TCF12: variants seen among roughly 807,000 people sequenced by gnomAD.
TCF12 encodes the protein transcription factor 12, also known as DNA-binding protein HTF4.
A neutral mutation model predicts 86.0 loss-of-function variants in TCF12; 45 were observed. The observed-to-expected ratio is 0.52, with a 90% CI of 0.41 to 0.67. The LOEUF (loss-of-function observed/expected upper bound fraction) is 0.67, where lower values mean the gene tolerates loss of function less well. TCF12 is among the 30% of genes least tolerant of loss of function. TCF12 has a pLI of 0.00. For synonymous variants in TCF12, 330 were observed against 299.6 expected (o/e 1.10, Z -1.05); for missense variants, 881 against 859.9 (o/e 1.02, Z -0.31).
chr15:57,181,123 A>G (rs1169295344), intron 6 of TCF12, among the ~76,000 whole-genome samples: 2 of 151,878 alleles, frequency 1.3e-5, no homozygotes, highest in Admixed American at 1.3e-4. Flanking sequence ...CGATGCTAAT[A>G]ATTTTTGACC....
At chr15:57,180,776 C>A (rs1159000099) in intron 6 of TCF12, among the ~76,000 whole-genome samples, 1 of 143,196 alleles carries the variant, frequency 7.0e-6, no homozygotes, top group African/African-American at 2.6e-5. Context: ...GGTAGTACTT[C>A]CAAATTTTAA....
intron 3 of TCF12, among the ~76,000 whole-genome samples, chr15:56,937,221 T>G (rs1362218026): frequency 6.6e-6 from 1 of 152,184 alleles, no homozygotes. Flanking sequence ...GTATTAAATT[T>G]TTTTGGCTGC....
At chr15:57,083,777 G>A (rs2048460320) in intron 4 of TCF12, among the ~76,000 whole-genome samples, 1 of 152,078 alleles carries the variant, frequency 6.6e-6, no homozygotes, top group South Asian at 2.1e-4. Flanking sequence ...TAGCACCAGA[G>A]TCTCGCTATG....
At chr15:57,199,802 G>A (rs1460487035) in intron 8 of TCF12, among the ~76,000 whole-genome samples, 1 of 152,170 alleles carries the variant, frequency 6.6e-6, no homozygotes, top group Non-Finnish European at 1.5e-5. Flanking sequence ...TATTAAGGAT[G>A]TATAAATAAC....
chr15:56,939,967 GTTTTTTT>G (rs67832685), intron 3 of TCF12, among the ~76,000 whole-genome samples: 42 of 104,722 alleles, frequency 4.0e-4, no homozygotes, highest in African/African-American at 1.3e-3. Context: ...TTAATAGCGT[GTTTTTTT>G]TTTTTTTTTT....
At chr15:57,186,524 A>G (rs1413133138) in intron 6 of TCF12, among the ~76,000 whole-genome samples, 1 of 152,164 alleles carries the variant, frequency 6.6e-6, no homozygotes, top group African/African-American at 2.4e-5. Context: ...TCCAGGACCA[A>G]ACAGCTTCAC....
intron 14 of TCF12, 143 bp downstream of exon 14, chr15:57,251,566 A>G (rs1268400330): frequency 7.7e-6 from 6 of 777,852 alleles, no homozygotes; most frequent in African/African-American, 1.7e-5. Flanking sequence ...TTTGAACAAT[A>G]TAAGACACAT....
chr15:57,262,012 A>T, intron 16 of TCF12, 82 bp from the exon 17 acceptor site: 1 of 875,526 alleles, frequency 1.1e-6, no homozygotes, highest in Non-Finnish European at 1.7e-6. Context: ...TTTCTCTATT[A>T]AACCTAGTAA....
At chr15:57,161,225 T>C (rs76089422) in intron 5 of TCF12, among the ~76,000 whole-genome samples, 2,604 of 152,336 alleles carry the variant, frequency 0.017, 33 homozygotes, top group Middle Eastern at 0.041. Flanking sequence ...TCTGTAAGCA[T>C]TGAAAGGTTA....
At chr15:57,082,708 T>TC (rs2048389430) in intron 4 of TCF12, among the ~76,000 whole-genome samples, 1 of 152,080 alleles carries the variant, frequency 6.6e-6, no homozygotes, top group African/African-American at 2.4e-5. Flanking sequence ...TATGAGACTT[T>TC]CCCCCTAAAT....
At position 57,267,333 on chromosome 15, in the gene TCF12, A is replaced by G. The variant is rs150492766; in HGVS notation, c.1745+4059A>G. 5.7e-3 allele frequency among the ~76,000 whole-genome samples: 863 copies of G among 152,332 alleles called. 10 individuals carry two copies. The highest frequency in any genetic ancestry group is 0.02 in the African/African-American group (829 of 41,558). On this transcript the variant is annotated intron_variant, in intron 18 of 20. Transcript: ENST00000333725. ...AAAAAGGAAATCTTAAGATCTTAAT[A>G]TTATTACTTTAATATGTATTGTACT... is the stretch of plus-strand genomic sequence containing the variant.
intron 5 of TCF12, among the ~76,000 whole-genome samples, chr15:57,159,376 T>C (rs1459726654): frequency 1.3e-5 from 2 of 152,202 alleles, no homozygotes; most frequent in Non-Finnish European, 2.9e-5. Context: ...ATGATTCAAA[T>C]TGTATGATAT....
chr15:56,969,022 G>C (rs768713998), intron 3 of TCF12, among the ~76,000 whole-genome samples: 2 of 152,158 alleles, frequency 1.3e-5, no homozygotes, highest in Admixed American at 6.5e-5. Flanking sequence ...ATAAACAATA[G>C]GGCAGAGGAA....
chr15:57,088,854 C>T (rs1269567401), intron 4 of TCF12, among the ~76,000 whole-genome samples: 2 of 152,044 alleles, frequency 1.3e-5, no homozygotes, highest in African/African-American at 2.4e-5. Context: ...CTAGATGATA[C>T]ATTGACGTGC....
rs1488896440 is a variant in TCF12, at chr15:57,129,237, C to T, written c.326-37165C>T. Among the ~76,000 whole-genome samples the T allele has an allele frequency of 2.0e-5, 3 of 152,224 alleles. No individual in the cohort carries two copies. The East Asian group carries it at 5.8e-4, about 29-fold the overall frequency. On this transcript the variant is annotated intron_variant, in intron 5 of 20. Transcript: ENST00000333725. ...AGCCATCTTAATGGTGTGAAAACCT[C>T]ACTGAGGTTTTGCATTTCCCTAATG...
At chr15:57,051,829 G>A (rs2067642622) in intron 3 of TCF12, among the ~76,000 whole-genome samples, 1 of 152,156 alleles carries the variant, frequency 6.6e-6, no homozygotes, top group Admixed American at 6.5e-5. Flanking sequence ...TATGATGTGA[G>A]ATCAGCATCC....
chr15:57,147,722 A>T lies in TCF12; in HGVS notation c.326-18680A>T, dbSNP rs183308846. The stretch of plus-strand genomic sequence containing the variant: ...TTATCACATATGTGATAATAGCAAA[A>T]TACAAATATGGAAAATGATAGTAAA... On this transcript the variant is annotated intron_variant, in intron 5 of 20. Coordinates refer to ENST00000333725, the MANE Select transcript of TCF12 (RefSeq NM_207037.2). 7.9e-4 allele frequency among the ~76,000 whole-genome samples: 120 copies of T among 152,296 alleles called. 1 individual carries two copies. Among genetic ancestry groups the T allele is most frequent in the Admixed American group, 4.3e-3 (66 of 15,294 alleles).
intron 6 of TCF12, among the ~76,000 whole-genome samples, chr15:57,170,745 T>TA (rs1342153770): frequency 7.6e-4 from 24 of 31,440 alleles, no homozygotes; most frequent in African/African-American, 2.9e-3. Context: ...ATAATATATA[T>TA]TATATATTAT....
chr15:57,078,464 T>A (rs544835332), intron 4 of TCF12, among the ~76,000 whole-genome samples: 41 of 152,322 alleles, frequency 2.7e-4, no homozygotes, highest in Admixed American at 1.2e-3. Context: ...TATTTTCAGA[T>A]AATGTCTCTC....
Sources: gnomAD v4.1 joint callset for allele counts (sites outside exome capture counted in the v4.1 genomes callset) on GRCh38, gnomAD v4.1.1 for gene constraint, MANE v1.5 for transcripts, NCBI Gene and HGNC (gene_info 2026-07-23, HGNC 2026-07-21) for gene names.